UNC5D: variants seen among roughly 807,000 people sequenced by gnomAD.
UNC5D encodes the protein unc-5 netrin receptor D.
A neutral mutation model predicts 105.4 loss-of-function variants in UNC5D; 39 were observed. The ratio of observed to expected loss-of-function variants is 0.37; its 90% confidence interval spans 0.29 to 0.48. UNC5D has a LOEUF of 0.48. UNC5D is among the 20% of genes least tolerant of loss of function. The pLI is 0.98. For synonymous variants in UNC5D, 452 were observed against 450.4 expected (o/e 1.00, Z -0.04); for missense variants, 991 against 1,202.4 (o/e 0.82, Z 2.60).
At chr8:35,482,060 T>G (rs1313339910) in intron 1 of UNC5D, among the ~76,000 whole-genome samples, 1 of 152,200 alleles carries the variant, frequency 6.6e-6, no homozygotes, top group African/African-American at 2.4e-5. Flanking sequence ...GATATGTAAT[T>G]TATATTCCTC....
chr8:35,663,724 T>C (rs1824253718), intron 4 of UNC5D, among the ~76,000 whole-genome samples: 1 of 152,208 alleles, frequency 6.6e-6, no homozygotes, highest in Admixed American at 6.5e-5. Context: ...ATTTTGATGG[T>C]AATTACTCCC....
intron 1 of UNC5D, among the ~76,000 whole-genome samples, chr8:35,532,363 T>G (rs1814453472): frequency 1.4e-5 from 2 of 147,064 alleles, no homozygotes; most frequent in African/African-American, 2.5e-5. Context: ...TTAAGAATGT[T>G]GAATATTGGC....
rs1208872646 is a variant in UNC5D, at chr8:35,322,275, C to T, written c.103+86388C>T. On this transcript the variant is annotated intron_variant, in intron 1 of 16. Coordinates refer to ENST00000404895, the MANE Select transcript of UNC5D (RefSeq NM_080872.4). ...TCTCTCAGGCATTCTCAATTCCAAA[C>T]ATTTCATGGTTCTTATTCCTTCCTT... Among the ~76,000 whole-genome samples, 3 of 152,216 alleles carry T rather than the reference C, an allele frequency of 2.0e-5. No homozygotes were observed. The East Asian group carries it at 5.8e-4, about 29-fold the overall frequency.
intron 4 of UNC5D, among the ~76,000 whole-genome samples, chr8:35,608,769 G>A (rs1031279193): frequency 6.6e-6 from 1 of 150,812 alleles, no homozygotes; most frequent in African/African-American, 2.5e-5. Flanking sequence ...AATTTTTATA[G>A]CTGACTGGTA....
rs1198117729 is a variant in UNC5D, at chr8:35,714,117, T to C, written c.1118-8093T>C. Among the ~76,000 whole-genome samples the C allele has an allele frequency of 1.3e-5, 2 of 152,176 alleles. 1 individual carries two copies. Among genetic ancestry groups the C allele is most frequent in the Non-Finnish European group, 2.9e-5 (2 of 68,034 alleles). ...GGATATCCACTGGGATGTCTCCTTT[T>C]GAAATTGAGATGAGAGAGGCACTAG... is the stretch of plus-strand genomic sequence containing the variant. On this transcript the variant is annotated intron_variant, in intron 8 of 16. Coordinates refer to ENST00000404895, the MANE Select transcript of UNC5D (RefSeq NM_080872.4).
At chr8:35,606,068 A>G (rs956312745) in intron 4 of UNC5D, among the ~76,000 whole-genome samples, 4 of 150,338 alleles carry the variant, frequency 2.7e-5, no homozygotes, top group African/African-American at 7.4e-5. Context: ...GCTCACTGCA[A>G]CCTCTGCCTC....
chr8:35,358,421 A>G (rs1801675877), intron 1 of UNC5D, among the ~76,000 whole-genome samples: 1 of 152,154 alleles, frequency 6.6e-6, no homozygotes, highest in Non-Finnish European at 1.5e-5. Context: ...GCATGTTCTC[A>G]TTTAAAAGTG....
At chr8:35,787,938 G>A (rs1802824995) in intron 16 of UNC5D, among the ~76,000 whole-genome samples, 2 of 152,004 alleles carry the variant, frequency 1.3e-5, no homozygotes, top group Admixed American at 6.6e-5. Context: ...AACTACTTAA[G>A]CAAGATTTGC....
chr8:35,561,214 C>T (rs111830587), intron 2 of UNC5D, among the ~76,000 whole-genome samples: 1 of 152,172 alleles, frequency 6.6e-6, no homozygotes, highest in Non-Finnish European at 1.5e-5. Flanking sequence ...TACTCCAGAT[C>T]ACTGTTCCCC....
At chr8:35,564,715 C>A (rs182935126) in intron 2 of UNC5D, among the ~76,000 whole-genome samples, 2 of 152,096 alleles carry the variant, frequency 1.3e-5, no homozygotes, top group Admixed American at 6.5e-5. Flanking sequence ...TACATTGTAC[C>A]CCATAAGTAG....
chr8:35,313,598 C>T (rs957475375), intron 1 of UNC5D, among the ~76,000 whole-genome samples: 1 of 152,174 alleles, frequency 6.6e-6, no homozygotes, highest in Non-Finnish European at 1.5e-5. Context: ...TGATTGATTA[C>T]ACTAGTTATC....
At chr8:35,236,850 CCTTCT>C in intron 1 of UNC5D, among the ~76,000 whole-genome samples, 1 of 152,244 alleles carries the variant, frequency 6.6e-6, no homozygotes, top group East Asian at 1.9e-4. Context: ...TTCCCTTTTT[CCTTCT>C]CTGTGTTCCA....
At chr8:35,381,918 A>G (rs1803067017) in intron 1 of UNC5D, among the ~76,000 whole-genome samples, 1 of 152,174 alleles carries the variant, frequency 6.6e-6, no homozygotes, top group Non-Finnish European at 1.5e-5. Flanking sequence ...ATTTCATTTC[A>G]TATTAAATCT....
chr8:35,748,604 C>G lies in UNC5D; in HGVS notation c.1844C>G (p.Pro615Arg). The change falls in exon 12 of 17, where the codon CCC (proline) becomes CGC (arginine). Residue 615 changes from proline (P) to arginine (R), a missense_variant. Physicochemically the swap from Pro to Arg is moderately radical, Grantham distance 103. Coordinates refer to ENST00000404895, the MANE Select transcript of UNC5D (RefSeq NM_080872.4). The stretch of plus-strand genomic sequence containing the variant: ...CCTCCAGACATGATCGTCACCACTC[C>G]CTTTGCATTGACCATCCCGCACTGT... ...CGPPDMIVTT[P>R]FALTIPHCAD... 1 of 1,614,088 alleles carries G rather than the reference C, an allele frequency of 6.2e-7. No individual in the cohort carries two copies. The highest frequency in any genetic ancestry group is 8.5e-7 in the Non-Finnish European group (1 of 1,179,978).
At chr8:35,260,304 A>G (rs565286619) in intron 1 of UNC5D, among the ~76,000 whole-genome samples, 147 of 152,154 alleles carry the variant, frequency 9.7e-4, no homozygotes, top group Non-Finnish European at 1.8e-3. Context: ...CCAAAGCACC[A>G]TATTTTACCT....
At chr8:35,280,004 T>C (rs1286920611) in intron 1 of UNC5D, among the ~76,000 whole-genome samples, 1 of 152,158 alleles carries the variant, frequency 6.6e-6, no homozygotes, top group African/African-American at 2.4e-5. Context: ...TTTCTTTCTT[T>C]CTTTTTTTTG....
chr8:35,533,756 GT>G (rs1814602107), intron 1 of UNC5D, among the ~76,000 whole-genome samples: 2 of 152,300 alleles, frequency 1.3e-5, no homozygotes, highest in South Asian at 2.1e-4. Context: ...GTGGTTCGCC[GT>G]TTTTTTAGCC....
In UNC5D at chr8:35,251,912, G is replaced by A. The variant is rs563390039; in HGVS notation, c.103+16025G>A. Among the ~76,000 whole-genome samples the A allele has an allele frequency of 8.5e-5, 13 of 152,082 alleles. 1 individual carries two copies. The highest frequency in any genetic ancestry group is 3.1e-4 in the African/African-American group (13 of 41,484). On this transcript the variant is annotated intron_variant, in intron 1 of 16. Transcript: ENST00000404895. The stretch of plus-strand genomic sequence containing the variant: ...ACTGTTAACCAAAAGAGGTGGGCAG[G>A]AACCCCTGGCCTACACACCTTTGCC...
At chr8:35,340,296 G>A (rs1811369205) in intron 1 of UNC5D, among the ~76,000 whole-genome samples, 2 of 152,132 alleles carry the variant, frequency 1.3e-5, no homozygotes, top group South Asian at 4.1e-4. Flanking sequence ...ATATTCCTGG[G>A]AATGCCTTGA....
Sources: gnomAD v4.1 joint callset for allele counts (sites outside exome capture counted in the v4.1 genomes callset) on GRCh38, gnomAD v4.1.1 for gene constraint, MANE v1.5 for transcripts, NCBI Gene and HGNC (gene_info 2026-07-23, HGNC 2026-07-21) for gene names.